BUB1: variants seen among roughly 807,000 people sequenced by gnomAD.
BUB1 encodes the protein mitotic checkpoint serine/threonine-protein kinase BUB1.
A neutral mutation model predicts 135.2 loss-of-function variants in BUB1; 84 were observed. The ratio of observed to expected loss-of-function variants is 0.62; its 90% CI spans 0.52 to 0.74. The LOEUF (loss-of-function observed/expected upper bound fraction) is 0.74. Ranked by LOEUF, BUB1 falls within the 30% of genes least tolerant of loss-of-function variation. The pLI is 0.00. For missense variants in BUB1, 1,162 were observed against 1,288.3 expected (o/e 0.90, Z 1.50); for synonymous variants, 403 against 434.4 (o/e 0.93, Z 0.90).
chr2:110,672,971 T>A, intron 3 of BUB1, 114 bp from the exon 4 acceptor site: 1 of 1,067,866 alleles, frequency 9.4e-7, no homozygotes, highest in Non-Finnish European at 1.3e-6. Context: ...TGGGAGCTGG[T>A]CATCAGCAAA....
chr2:110,649,499 A>C, intron 18 of BUB1, 122 bp from the exon 19 acceptor site: 1 of 933,396 alleles, frequency 1.1e-6, no homozygotes, highest in Non-Finnish European at 1.5e-6. Context: ...AAAGCCTTAT[A>C]AGAGTATTAA....
chr2:110,655,806 A>C lies in BUB1; in HGVS notation c.1809T>G (p.Ala603=). 1 of 1,614,018 alleles carries C rather than the reference A, an allele frequency of 6.2e-7. No individual in the cohort carries two copies. Among genetic ancestry groups the C allele is most frequent in the Non-Finnish European group, 8.5e-7 (1 of 1,179,924 alleles). The change falls in exon 16 of 25, where the codon GCT becomes GCG. Residue 603 remains alanine, a synonymous_variant. Transcript: ENST00000302759. ...GGAATGGTGTAGACGCAAGTTGTGC[A>C]GCAGATGTGAAGTCTCCTGGGCTCT... ...SPKSPGDFTS[A]AQLASTPFHK... is the part of the protein sequence containing the mutation.
intron 24 of BUB1, 56 bp downstream of exon 24, chr2:110,639,686 C>T: frequency 7.2e-7 from 1 of 1,384,322 alleles, no homozygotes; most frequent in South Asian, 1.2e-5. Context: ...CAGATGGAAC[C>T]CAACATTCTA....
In BUB1 at chr2:110,667,807, CTT is replaced by C. The variant is rs1336450063; in HGVS notation, c.608_609del (p.Lys203ArgfsTer13). 3 of 1,613,318 alleles carry C rather than the reference CTT, an allele frequency of 1.9e-6. No individual in the cohort carries two copies. Among genetic ancestry groups the C allele is most frequent in the Admixed American group, 1.7e-5 (1 of 59,906 alleles). ...LSGVISSACD[K>X]ESNMERRVIT... ...ACTGATTATACTTGCATATTTGACTCTTTATCACAAGCTGAAGATATCACTCC... is the reference window on the plus strand; with the variant it reads ...ACTGATTATACTTGCATATTTGACTCTATCACAAGCTGAAGATATCACTCC... On this transcript the variant is annotated frameshift_variant, in exon 7 of 25. Transcript: ENST00000302759. LOFTEE classifies it high-confidence loss of function.
intron 14 of BUB1, 126 bp downstream of exon 14, chr2:110,657,417 CTGG>C (rs1434471450): frequency 3.0e-6 from 2 of 677,682 alleles, no homozygotes; most frequent in Non-Finnish European, 4.7e-6. Flanking sequence ...CAACACCCCC[CTGG>C]TTGTGTGGTC....
At chr2:110,670,592 C>G in intron 4 of BUB1, 24 bp from the exon 5 acceptor site, 1 of 1,611,990 alleles carries the variant, frequency 6.2e-7, no homozygotes, top group Non-Finnish European at 8.5e-7. Context: ...GAAAAGGCAT[C>G]AATGTAGATT....
chr2:110,653,265 C>T (rs774278932), intron 17 of BUB1, among the ~76,000 whole-genome samples, 171 bp downstream of exon 17: 2 of 152,190 alleles, frequency 1.3e-5, no homozygotes, highest in Non-Finnish European at 2.9e-5. Flanking sequence ...TGTATATTCA[C>T]GGAGAGTACC....
chr2:110,675,976 A>G (rs978145314), intron 1 of BUB1, among the ~76,000 whole-genome samples: 7 of 152,220 alleles, frequency 4.6e-5, no homozygotes, highest in Non-Finnish European at 8.8e-5. Flanking sequence ...ACTTCTAGCT[A>G]TCACCTCGGT....
In BUB1 at chr2:110,669,560, G is replaced by C. The variant is rs1690360846; in HGVS notation, c.467-7C>G. 6.4e-7 allele frequency: 1 copy of C among 1,552,540 alleles called. No homozygotes were observed. Among genetic ancestry groups the C allele is most frequent in the East Asian group, 2.2e-5 (1 of 44,592 alleles). On this transcript the variant is annotated splice_region_variant and splice_polypyrimidine_tract_variant and intron_variant, in intron 5 of 24. Transcript: ENST00000302759. ...AGAGGTTCTGAGGTTCTAGCTATGAGGGAAAAGAGGATAAAATACGGAGAA... is the reference window on the plus strand; with the variant it reads ...AGAGGTTCTGAGGTTCTAGCTATGACGGAAAAGAGGATAAAATACGGAGAA...
intron 3 of BUB1, 114 bp from the exon 4 acceptor site, chr2:110,672,971 T>C: frequency 9.4e-7 from 1 of 1,067,866 alleles, no homozygotes; most frequent in Non-Finnish European, 1.3e-6. Flanking sequence ...TGGGAGCTGG[T>C]CATCAGCAAA....
At position 110,665,571 on chromosome 2, in the gene BUB1, TTGTGTGTG is replaced by T. The variant is rs34442113; in HGVS notation, c.957+684_957+691del. ...ATTAAAAAAAAAAGAAAAAGAATGT[TTGTGTGTG>T]TGTGTGTGTGTGTGTGTGTGTGTGT... On this transcript the variant is annotated intron_variant, in intron 9 of 24. Transcript: ENST00000302759. 8.4e-4 allele frequency among the ~76,000 whole-genome samples: 118 copies of T among 141,144 alleles called. 2 individuals are homozygous for T. The highest frequency in any genetic ancestry group is 4.5e-3 in the Admixed American group (64 of 14,164). 92.6% of individuals were successfully genotyped at this position (141,144 alleles called of 152,430 possible). A position where few individuals can be genotyped will look rare whatever the true frequency, so the allele number is the denominator to read the frequency against.
intron 7 of BUB1, 23 bp downstream of exon 7, chr2:110,667,774 A>T: frequency 6.2e-7 from 1 of 1,611,880 alleles, no homozygotes; most frequent in East Asian, 2.2e-5. Flanking sequence ...CTAATAATAG[A>T]TTAATGCACT....
chr2:110,671,674 A>C (rs888419940), intron 4 of BUB1, among the ~76,000 whole-genome samples: 3 of 152,232 alleles, frequency 2.0e-5, no homozygotes, highest in Non-Finnish European at 4.4e-5. Flanking sequence ...TTCAATTCTG[A>C]GAATCTATGA....
intron 8 of BUB1, among the ~76,000 whole-genome samples, chr2:110,666,847 G>T (rs1373656745): frequency 6.6e-6 from 1 of 152,218 alleles, no homozygotes; most frequent in Non-Finnish European, 1.5e-5. Flanking sequence ...CAAGCATGCT[G>T]TGGTCAGTCC....
rs139600357 is a variant in BUB1 at position 110,676,360 on chromosome 2, T to C, written c.26+1610A>G. On this transcript the variant is annotated intron_variant, in intron 1 of 24. Transcript: ENST00000302759. ...AAAACATGTGAAAAGATTGTGTAGG[T>C]GCAGCAATAAGAAACAGGCTCTCTG... Among the ~76,000 whole-genome samples, 83 of 152,312 alleles carry C rather than the reference T, an allele frequency of 5.4e-4. 1 individual carries two copies. Among genetic ancestry groups the C allele is most frequent in the African/African-American group, 1.8e-3 (75 of 41,558 alleles).
chr2:110,644,809 T>G (rs1324732163), intron 19 of BUB1, among the ~76,000 whole-genome samples: 2 of 152,170 alleles, frequency 1.3e-5, no homozygotes, highest in East Asian at 3.9e-4. Context: ...CTGTATCCAG[T>G]AAAATTATCC....
chr2:110,670,502 C>A, intron 5 of BUB1, 23 bp downstream of exon 5: 2 of 1,612,674 alleles, frequency 1.2e-6, no homozygotes, highest in Middle Eastern at 1.7e-4. Flanking sequence ...CAACAACAGG[C>A]ATTTTAGAAA....
intron 8 of BUB1, 42 bp downstream of exon 8, chr2:110,667,479 T>C (rs1690289440): frequency 6.5e-7 from 1 of 1,547,650 alleles, no homozygotes; most frequent in Non-Finnish European, 8.7e-7. Flanking sequence ...AGGATTTTTT[T>C]ATGTGACATA....
At chr2:110,650,446 T>C in intron 18 of BUB1, 100 bp downstream of exon 18, 1 of 1,074,416 alleles carries the variant, frequency 9.3e-7, no homozygotes, top group Non-Finnish European at 1.4e-6. Context: ...TCTGTTCTAC[T>C]CAGTGACATT....
Sources: gnomAD v4.1 joint callset for allele counts (sites outside exome capture counted in the v4.1 genomes callset) on GRCh38, gnomAD v4.1.1 for gene constraint, MANE v1.5 for transcripts, NCBI Gene and HGNC (gene_info 2026-07-23, HGNC 2026-07-21) for gene names.